The following MAP2K6 variants were observed in gnomAD, a reference collection of about 807,000 sequenced individuals.
The protein encoded by MAP2K6 is mitogen-activated protein kinase kinase 6.
A neutral mutation model predicts 53.7 loss-of-function variants in MAP2K6; 16 were observed. The observed-to-expected ratio is 0.30, with a 90% CI of 0.20 to 0.45. The LOEUF (loss-of-function observed/expected upper bound fraction) is 0.45. Ranked by LOEUF, MAP2K6 falls within the 20% of genes least tolerant of loss-of-function variation. The probability of loss-of-function intolerance (pLI) is 1.00; values close to 1 mark genes in which losing one functional copy is unlikely to be tolerated. For missense variants in MAP2K6, 204 were observed against 411.9 expected, an observed-to-expected ratio of 0.50 and a Z score of 4.37; for synonymous variants, 132 against 143.1, an observed-to-expected ratio of 0.92 and a Z score of 0.55.
At chr17:69,511,018 C>T (rs1279338612) in intron 2 of MAP2K6, among the ~76,000 whole-genome samples, 1 of 152,110 alleles carries the variant, frequency 6.6e-6, no homozygotes, top group South Asian at 2.1e-4. Context: ...CATCCCTTCC[C>T]CTTACAATTT....
chr17:69,530,145 T>C lies in MAP2K6; in HGVS notation c.881+3436T>C, dbSNP rs114705626. Among the ~76,000 whole-genome samples, 789 of 152,188 alleles carry C rather than the reference T, an allele frequency of 5.2e-3. 8 individuals carry two copies. The highest frequency in any genetic ancestry group is 0.018 in the African/African-American group (741 of 41,518). ...TGGGTATATTAAAAACAATACTCTGTCTCTACAAAAAATACACAAATTAGC... is the reference window on the plus strand; with the variant it reads ...TGGGTATATTAAAAACAATACTCTGCCTCTACAAAAAATACACAAATTAGC... On this transcript the variant is annotated intron_variant, in intron 10 of 11. Coordinates refer to ENST00000590474, the MANE Select transcript of MAP2K6 (RefSeq NM_002758.4).
chr17:69,434,363 C>T (rs1486536657), intron 1 of MAP2K6: 4 of 152,166 alleles, frequency 2.6e-5, no homozygotes, highest in Non-Finnish European at 5.9e-5. Flanking sequence ...TGTAACTTAA[C>T]ATTCCTGCCT....
At chr17:69,469,206 C>A in intron 1 of MAP2K6, among the ~76,000 whole-genome samples, 1 of 152,244 alleles carries the variant, frequency 6.6e-6, no homozygotes, top group East Asian at 1.9e-4. Flanking sequence ...ATCTTAAAAG[C>A]CTGCAAGGCT....
Position 69,468,700 on chromosome 17 carries a change from T to C in MAP2K6, c.17-37080T>C, listed in dbSNP as rs984230752. On this transcript the variant is annotated intron_variant, in intron 1 of 11. Coordinates refer to ENST00000590474, the MANE Select transcript of MAP2K6 (RefSeq NM_002758.4). ...GTGTCCAAAGGAGAGAATACAGTTA[T>C]GGGTTCTTAGTTTCTGTTTCTGGTT... Among the ~76,000 whole-genome samples the C allele has an allele frequency of 1.7e-4, 26 of 152,352 alleles. 1 individual carries two copies. Among genetic ancestry groups the C allele is most frequent in the African/African-American group, 6.3e-4 (26 of 41,580 alleles).
At chr17:69,441,850 T>C (rs2145148886) in intron 1 of MAP2K6, among the ~76,000 whole-genome samples, 1 of 152,256 alleles carries the variant, frequency 6.6e-6, no homozygotes, top group Admixed American at 6.5e-5. Flanking sequence ...TGTTGGCACC[T>C]GGAGAGAAGG....
At chr17:69,458,673 T>C (rs549102296) in intron 1 of MAP2K6, among the ~76,000 whole-genome samples, 1 of 152,346 alleles carries the variant, frequency 6.6e-6, no homozygotes, top group South Asian at 2.1e-4. Flanking sequence ...CTGGCTTTCA[T>C]TCCCATTATT....
At chr17:69,505,658 C>A (rs1172281950) in intron 1 of MAP2K6, 122 bp from the exon 2 acceptor site, 3 of 761,634 alleles carry the variant, frequency 3.9e-6, no homozygotes, top group Middle Eastern at 2.6e-4. Context: ...TAGGAAGTGG[C>A]GCTTTGAATG....
intron 1 of MAP2K6, among the ~76,000 whole-genome samples, chr17:69,483,913 A>T (rs188421610): frequency 6.6e-6 from 1 of 152,184 alleles, no homozygotes; most frequent in East Asian, 1.9e-4. Flanking sequence ...ATGAATTTTG[A>T]CCCTTACCTC....
At chr17:69,475,171 T>G (rs1279669954) in intron 1 of MAP2K6, among the ~76,000 whole-genome samples, 1 of 144,870 alleles carries the variant, frequency 6.9e-6, no homozygotes, top group Non-Finnish European at 1.5e-5. Context: ...TGTGTTTTTT[T>G]TTTTTTTTTT....
intron 1 of MAP2K6, among the ~76,000 whole-genome samples, chr17:69,498,970 G>T (rs756520375): frequency 6.6e-6 from 1 of 152,106 alleles, no homozygotes; most frequent in Non-Finnish European, 1.5e-5. Flanking sequence ...CCAATCTGGT[G>T]GAGTGTGGTA....
At chr17:69,520,605 ACT>A (rs1207161002) in intron 6 of MAP2K6, 8 of 509,712 alleles carry the variant, frequency 1.6e-5, no homozygotes, top group Admixed American at 1.5e-4. Flanking sequence ...AGGTTAAATG[ACT>A]CTAAGTGCTG....
At position 69,549,740 on chromosome 17, in the gene MAP2K6, T is replaced by C. The variant is rs1359420862; in HGVS notation, c.*7987T>C. ...TCTGATTTCACTAAGTAATATTCTA[T>C]TGTGGTCAGAAATGGGTAATTTGCA... On this transcript the variant is annotated 3_prime_UTR_variant, in exon 12 of 12. Transcript: ENST00000590474. 2.0e-5 allele frequency: 3 copies of C among 152,198 alleles called. No homozygotes were observed. Among genetic ancestry groups the C allele is most frequent in the African/African-American group, 7.2e-5 (3 of 41,464 alleles). The allele number at this position is 152,198 out of a possible 1,614,324, so 9.4% of individuals were successfully genotyped here.
chr17:69,446,976 C>CTTT (rs71357721), intron 1 of MAP2K6, among the ~76,000 whole-genome samples: 6 of 129,516 alleles, frequency 4.6e-5, no homozygotes, highest in South Asian at 2.4e-4. Context: ...ACCTCTGTTT[C>CTTT]TTTTTTTTTT....
rs978078026 is a variant in MAP2K6 at position 69,552,008 on chromosome 17, A to G, written c.*10255A>G. ...TCAGCTTTCTTTGTGCTTCAGTTTC[A>G]TAGCTGAAAATGCTGCTTCCGTTTA... On this transcript the variant is annotated 3_prime_UTR_variant, in exon 12 of 12. Coordinates refer to ENST00000590474, the MANE Select transcript of MAP2K6 (RefSeq NM_002758.4). 6.6e-6 allele frequency: 1 copy of G among 152,264 alleles called. No homozygotes were observed. Among genetic ancestry groups the G allele is most frequent in the Non-Finnish European group, 1.5e-5 (1 of 68,048 alleles). 9.4% of individuals were successfully genotyped at this position (152,264 alleles called of 1,614,324 possible). A position where few individuals can be genotyped will look rare whatever the true frequency, so the allele number is the denominator to read the frequency against.
At chr17:69,463,497 C>T (rs1196374992) in intron 1 of MAP2K6, among the ~76,000 whole-genome samples, 1 of 149,526 alleles carries the variant, frequency 6.7e-6, no homozygotes, top group East Asian at 2.0e-4. Flanking sequence ...TATGCACACA[C>T]ACACACATAT....
At position 69,549,698 on chromosome 17, in the gene MAP2K6, AG is replaced by A. The variant is rs1230451963; in HGVS notation, c.*7946del. 1 of 152,198 alleles carries A rather than the reference AG, an allele frequency of 6.6e-6. No individual in the cohort carries two copies. The highest frequency in any genetic ancestry group is 1.5e-5 in the Non-Finnish European group (1 of 68,024). 9.4% of individuals were successfully genotyped at this position (152,198 alleles called of 1,614,324 possible). On this transcript the variant is annotated 3_prime_UTR_variant, in exon 12 of 12. Transcript: ENST00000590474. ...ATAATAAGAACTTCCTTTAAAGATG[AG>A]CAGCAAGGTTGGGTATCTGATTTCA...
intron 1 of MAP2K6, among the ~76,000 whole-genome samples, chr17:69,425,562 C>T (rs576244773): frequency 3.5e-4 from 54 of 152,258 alleles, no homozygotes; most frequent in Non-Finnish European, 6.0e-4. Context: ...TCGCCCGCCT[C>T]GGCCTCCCAA....
intron 2 of MAP2K6, among the ~76,000 whole-genome samples, chr17:69,515,042 CTT>C (rs1910068982): frequency 6.6e-6 from 1 of 151,958 alleles, no homozygotes; most frequent in African/African-American, 2.4e-5. Flanking sequence ...AGACATGAGT[CTT>C]TACCTGTCTG....
chr17:69,528,105 G>A (rs898435140), intron 10 of MAP2K6, among the ~76,000 whole-genome samples: 4 of 21,180 alleles, frequency 1.9e-4, no homozygotes, highest in African/African-American at 4.0e-4. Context: ...ATAAAACTTC[G>A]TCTCAAAAAA....
Sources: gnomAD v4.1 joint callset for allele counts (sites outside exome capture counted in the v4.1 genomes callset) on GRCh38, gnomAD v4.1.1 for gene constraint, MANE v1.5 for transcripts, NCBI Gene and HGNC (gene_info 2026-07-23, HGNC 2026-07-21) for gene names.